The following HCRTR2 variants were observed in gnomAD, a reference collection of about 807,000 sequenced individuals.
HCRTR2 encodes the protein hypocretin receptor 2, also known as orexin receptor type 2.
Under a neutral mutation model 49.0 loss-of-function variants are expected in HCRTR2, and 22 were observed. The observed-to-expected ratio is 0.45, with a 90% CI of 0.32 to 0.64. The LOEUF (loss-of-function observed/expected upper bound fraction) is 0.64. HCRTR2 is among the 30% of genes least tolerant of loss of function. The probability of loss-of-function intolerance (pLI) is 0.04; values close to 1 mark genes in which losing one functional copy is unlikely to be tolerated. For missense variants in HCRTR2, 491 were observed against 559.4 expected (o/e 0.88, Z 1.23); for synonymous variants, 236 against 205.3 (o/e 1.15, Z -1.28).
intron 2 of HCRTR2, among the ~76,000 whole-genome samples, chr6:55,252,461 G>T (rs573826234): frequency 1.3e-5 from 2 of 152,088 alleles, no homozygotes; most frequent in Admixed American, 1.3e-4. Context: ...AGAGAGGATT[G>T]ATATATCTCT....
At chr6:55,213,487 C>T (rs1286413459) in intron 1 of HCRTR2, among the ~76,000 whole-genome samples, 1 of 152,000 alleles carries the variant, frequency 6.6e-6, no homozygotes, top group Non-Finnish European at 1.5e-5. Context: ...ACCACTGACT[C>T]AAAAATGACA....
chr6:55,188,565 C>A (rs758102133), intron 1 of HCRTR2, among the ~76,000 whole-genome samples: 2 of 152,178 alleles, frequency 1.3e-5, no homozygotes, highest in Non-Finnish European at 2.9e-5. Context: ...CCTGAACCAA[C>A]GCACTGACTT....
At chr6:55,223,777 G>GA (rs34365632) in intron 1 of HCRTR2, among the ~76,000 whole-genome samples, 14 of 146,756 alleles carry the variant, frequency 9.5e-5, no homozygotes, top group Non-Finnish European at 1.8e-4. Flanking sequence ...AACTTACCTA[G>GA]AAAAAAAAAA....
chr6:55,111,800 A>G (rs561149140), intron 1 of HCRTR2, among the ~76,000 whole-genome samples: 1 of 152,110 alleles, frequency 6.6e-6, no homozygotes, highest in Non-Finnish European at 1.5e-5. Context: ...CTATGAAGCC[A>G]GCATCATCCT....
chr6:55,189,275 C>T (rs374695074), intron 1 of HCRTR2, among the ~76,000 whole-genome samples: 99 of 152,016 alleles, frequency 6.5e-4, no homozygotes, highest in South Asian at 6.0e-3. Flanking sequence ...ATGGTAAGAA[C>T]GGATTAAAGT....
intron 1 of HCRTR2, among the ~76,000 whole-genome samples, chr6:55,234,709 G>A (rs1314013421): frequency 6.6e-6 from 1 of 152,124 alleles, no homozygotes; most frequent in African/African-American, 2.4e-5. Flanking sequence ...TGGCAAAAAT[G>A]CAGACAGCTA....
At chr6:55,235,145 A>G (rs920057115) in intron 1 of HCRTR2, among the ~76,000 whole-genome samples, 1 of 152,144 alleles carries the variant, frequency 6.6e-6, no homozygotes, top group African/African-American at 2.4e-5. Flanking sequence ...GGTGTTACAA[A>G]TCAGTATACG....
intron 1 of HCRTR2, among the ~76,000 whole-genome samples, chr6:55,144,673 T>A (rs1764555276): frequency 6.6e-6 from 1 of 152,126 alleles, no homozygotes; most frequent in Non-Finnish European, 1.5e-5. Flanking sequence ...TTCACGCTCC[T>A]GTGATAATCT....
At chr6:55,157,643 G>A (rs1039262523) in intron 1 of HCRTR2, among the ~76,000 whole-genome samples, 1 of 152,232 alleles carries the variant, frequency 6.6e-6, no homozygotes, top group Non-Finnish European at 1.5e-5. Context: ...CCACATGGGT[G>A]CTTGTGTCAC....
chr6:55,184,577 T>C (rs1031106671), intron 1 of HCRTR2, among the ~76,000 whole-genome samples: 1 of 152,204 alleles, frequency 6.6e-6, no homozygotes, highest in Non-Finnish European at 1.5e-5. Flanking sequence ...GACATGTATT[T>C]TATTCAAACA....
chr6:55,220,212 G>A (rs868247081), intron 1 of HCRTR2, among the ~76,000 whole-genome samples: 2 of 152,126 alleles, frequency 1.3e-5, no homozygotes, highest in Admixed American at 1.3e-4. Flanking sequence ...GCATTTTCCT[G>A]ATACCAAAAT....
At chr6:55,275,508 G>T (rs1767060159) in intron 4 of HCRTR2, among the ~76,000 whole-genome samples, 1 of 151,684 alleles carries the variant, frequency 6.6e-6, no homozygotes, top group African/African-American at 2.4e-5. Flanking sequence ...GCAGGATTCA[G>T]CATCTTCTAT....
chr6:55,205,238 G>A (rs192305223), intron 1 of HCRTR2, among the ~76,000 whole-genome samples: 9 of 152,246 alleles, frequency 5.9e-5, no homozygotes, highest in Admixed American at 3.3e-4. Flanking sequence ...GCTGTGAGCC[G>A]AGATGAGATC....
intron 1 of HCRTR2, among the ~76,000 whole-genome samples, chr6:55,223,595 CTT>C (rs1237969379): frequency 6.6e-6 from 1 of 152,026 alleles, no homozygotes; most frequent in East Asian, 1.9e-4. Context: ...ACTTTTGTCA[CTT>C]ATGTTATTCT....
intron 1 of HCRTR2, among the ~76,000 whole-genome samples, chr6:55,161,142 C>G (rs971517337): frequency 5.9e-5 from 9 of 152,086 alleles, no homozygotes; most frequent in Admixed American, 5.9e-4. Context: ...TCTCTCAGAC[C>G]ACAGTGCAAT....
intron 1 of HCRTR2, among the ~76,000 whole-genome samples, chr6:55,225,138 A>G (rs12211310): frequency 0.31 from 47,066 of 152,054 alleles, 8,683 homozygotes; most frequent in Non-Finnish European, 0.42. Context: ...TTTATTTGTC[A>G]ACTTAAAAAA....
At chr6:55,256,247 G>C (rs1286265953) in intron 3 of HCRTR2, among the ~76,000 whole-genome samples, 2 of 151,990 alleles carry the variant, frequency 1.3e-5, no homozygotes, top group Non-Finnish European at 1.5e-5. Context: ...TTCTAGGTAA[G>C]TATACTAAAA....
chr6:55,280,193 C>G (rs1405316304), intron 5 of HCRTR2, 130 bp from the exon 6 acceptor site: 2 of 671,312 alleles, frequency 3.0e-6, no homozygotes, highest in Non-Finnish European at 5.3e-6. Flanking sequence ...ATTATGGGGT[C>G]AGAAACCAAT....
At chr6:55,224,434 G>A (rs541130594) in intron 1 of HCRTR2, among the ~76,000 whole-genome samples, 5 of 149,798 alleles carry the variant, frequency 3.3e-5, no homozygotes, top group African/African-American at 7.5e-5. Context: ...TGGCTAACAC[G>A]GTGAAACCCC....
Sources: allele counts gnomAD v4.1 joint callset (sites outside exome capture counted in the v4.1 genomes callset), GRCh38; gene constraint gnomAD v4.1.1; transcripts MANE v1.5; gene names NCBI Gene and HGNC (gene_info 2026-07-23, HGNC 2026-07-21).